STPG2: variants seen among roughly 807,000 people sequenced by gnomAD.
The protein encoded by STPG2 is sperm tail PG-rich repeat containing 2, also known as sperm-tail PG-rich repeat-containing protein 2.
In STPG2, 56 loss-of-function variants were observed where a neutral mutation model predicts 54.2. The ratio of observed to expected loss-of-function variants is 1.03; its 90% CI spans 0.83 to 1.29. The LOEUF (loss-of-function observed/expected upper bound fraction) is 1.29, where lower values mean the gene tolerates loss of function less well. Ranked by LOEUF, STPG2 falls within the 50% of genes most tolerant of loss-of-function variation. The pLI is 0.00. For missense variants in STPG2, 596 were observed against 544.9 expected (o/e 1.09, Z -0.93); for synonymous variants, 200 against 181.8 (o/e 1.10, Z -0.81).
intron 4 of STPG2, among the ~76,000 whole-genome samples, chr4:97,515,537 T>C (rs932678894): frequency 1.3e-5 from 2 of 152,038 alleles, no homozygotes; most frequent in African/African-American, 4.8e-5. Context: ...GAGTAGTAAA[T>C]TGTAAGTTGA....
chr4:97,688,968 G>A (rs1723283151), intron 10 of STPG2, among the ~76,000 whole-genome samples: 1 of 152,050 alleles, frequency 6.6e-6, no homozygotes, highest in Admixed American at 6.5e-5. Context: ...ACTAATCTTT[G>A]CAACTAACCT....
chr4:97,901,156 T>C (rs1047678805), intron 8 of STPG2, among the ~76,000 whole-genome samples: 1 of 151,922 alleles, frequency 6.6e-6, no homozygotes, highest in African/African-American at 2.4e-5. Context: ...CATATTTATA[T>C]CATTGTGTCC....
chr4:97,643,770 T>C (rs960516647), intron 10 of STPG2, among the ~76,000 whole-genome samples: 12 of 151,838 alleles, frequency 7.9e-5, no homozygotes, highest in African/African-American at 1.4e-4. Context: ...AGGGACTTTA[T>C]ATTACGAGTG....
intron 4 of STPG2, among the ~76,000 whole-genome samples, chr4:97,538,607 G>A (rs980733245): frequency 6.6e-6 from 1 of 152,160 alleles, no homozygotes; most frequent in African/African-American, 2.4e-5. Flanking sequence ...AGCCAAGTTG[G>A]AAAACACTCT....
chr4:97,660,127 T>C (rs867943271), intron 10 of STPG2, among the ~76,000 whole-genome samples: 9 of 151,884 alleles, frequency 5.9e-5, no homozygotes, highest in Admixed American at 2.0e-4. Context: ...CTCAGCCTCC[T>C]GAGTAGCTGG....
intron 5 of STPG2, among the ~76,000 whole-genome samples, chr4:98,002,916 T>C (rs564217101): frequency 6.6e-6 from 1 of 152,234 alleles, no homozygotes; most frequent in Admixed American, 6.5e-5. Flanking sequence ...CATTTTTAAA[T>C]TAGCATAAAA....
chr4:97,562,410 T>C (rs1289919133), intron 10 of STPG2, among the ~76,000 whole-genome samples: 1 of 152,170 alleles, frequency 6.6e-6, no homozygotes, highest in African/African-American at 2.4e-5. Flanking sequence ...GACTTCCTCT[T>C]TTCCTAATTG....
At chr4:97,991,377 G>A (rs1329797432) in intron 5 of STPG2, among the ~76,000 whole-genome samples, 13 of 144,996 alleles carry the variant, frequency 9.0e-5, no homozygotes, top group Non-Finnish European at 1.7e-4. Context: ...ATATATATAT[G>A]TATATATATG....
intron 4 of STPG2, among the ~76,000 whole-genome samples, chr4:97,495,753 C>T (rs1730599339): frequency 6.8e-6 from 1 of 146,048 alleles, no homozygotes; most frequent in Non-Finnish European, 1.5e-5. Flanking sequence ...AAGCCAAATT[C>T]TAAAATTTTA....
chr4:98,129,927 C>T lies in STPG2; in HGVS notation c.223-1335G>A, dbSNP rs185529196. 1.7e-3 allele frequency among the ~76,000 whole-genome samples: 255 copies of T among 150,496 alleles called. 1 individual carries two copies. The highest frequency in any genetic ancestry group is 5.3e-3 in the African/African-American group (216 of 40,980). ...GGCTGGAGTGCAGTGGCATGATCTC[C>T]GCTCACTGCAACCTCTGCCTCCTGG... On this transcript the variant is annotated intron_variant, in intron 2 of 10. Transcript: ENST00000295268.
chr4:97,514,148 C>T (rs960119164), intron 4 of STPG2, among the ~76,000 whole-genome samples: 3 of 151,954 alleles, frequency 2.0e-5, no homozygotes, highest in Admixed American at 6.6e-5. Context: ...TTCTCTAAGG[C>T]CTGGCCATGA....
chr4:98,089,537 G>C (rs901621185), intron 5 of STPG2, among the ~76,000 whole-genome samples: 3 of 151,472 alleles, frequency 2.0e-5, no homozygotes, highest in Admixed American at 6.6e-5. Flanking sequence ...TTTTTTTCAT[G>C]TAATGACTTC....
At position 97,840,940 on chromosome 4, in the gene STPG2, A is replaced by C. The variant is rs759543004; in HGVS notation, c.1045-8T>G. 6 of 1,609,854 alleles carry C rather than the reference A, an allele frequency of 3.7e-6. No homozygotes were observed. The African/African-American group carries it at 6.7e-5, about 18-fold the overall frequency. ...GCCTGGCGCTGGAATAACCTGAAAA[A>C]AAATTTAATAGATGAGCATAAATAT... is the stretch of plus-strand genomic sequence containing the variant. On this transcript the variant is annotated splice_region_variant and splice_polypyrimidine_tract_variant and intron_variant, in intron 8 of 10. Transcript: ENST00000295268.
At chr4:97,707,365 C>CA (rs2149003122) in intron 10 of STPG2, among the ~76,000 whole-genome samples, 1 of 151,836 alleles carries the variant, frequency 6.6e-6, no homozygotes, top group African/African-American at 2.4e-5. Context: ...GCAAAAAATA[C>CA]AAAAAATTAG....
intron 4 of STPG2, among the ~76,000 whole-genome samples, chr4:97,450,883 T>C (rs1037619389): frequency 3.9e-5 from 6 of 152,192 alleles, no homozygotes; most frequent in Non-Finnish European, 8.8e-5. Flanking sequence ...CATGCACTTA[T>C]TTAACTACTA....
intron 10 of STPG2, among the ~76,000 whole-genome samples, chr4:97,708,850 G>A (rs977430476): frequency 1.3e-5 from 2 of 151,194 alleles, no homozygotes; most frequent in African/African-American, 4.8e-5. Context: ...CAGAATGAGG[G>A]TTTTAGACAA....
intron 7 of STPG2, among the ~76,000 whole-genome samples, chr4:97,953,173 G>A (rs570002806): frequency 1.9e-4 from 29 of 152,290 alleles, no homozygotes; most frequent in African/African-American, 6.5e-4. Flanking sequence ...TGGCCCCAGT[G>A]AGCATCAGAG....
chr4:97,509,077 C>G (rs1326976586), intron 4 of STPG2, among the ~76,000 whole-genome samples: 22 of 152,206 alleles, frequency 1.4e-4, no homozygotes. Context: ...AATTCCTGCT[C>G]TACAGCATCG....
chr4:97,590,442 A>G (rs1033671761), intron 10 of STPG2, among the ~76,000 whole-genome samples: 3 of 152,092 alleles, frequency 2.0e-5, no homozygotes, highest in African/African-American at 7.2e-5. Flanking sequence ...TATGTGTAGG[A>G]CAACTGAAGC....
Sources: allele counts gnomAD v4.1 joint callset (sites outside exome capture counted in the v4.1 genomes callset), GRCh38; gene constraint gnomAD v4.1.1; transcripts MANE v1.5; gene names NCBI Gene and HGNC (gene_info 2026-07-23, HGNC 2026-07-21).